Variants in TMEM87A observed in about 807,000 individuals in gnomAD.
The protein encoded by TMEM87A is Golgi-pH regulating cation channel.
A neutral mutation model predicts 90.0 loss-of-function variants in TMEM87A; 50 were observed. The observed-to-expected ratio is 0.56, with a 90% CI of 0.44 to 0.70. TMEM87A has a LOEUF of 0.70. TMEM87A is among the 30% of genes least tolerant of loss of function. The pLI, the probability that TMEM87A is intolerant of heterozygous loss-of-function variation, is 0.00. For missense variants in TMEM87A, 577 were observed against 660.5 expected (o/e 0.87, Z 1.39); for synonymous variants, 226 against 226.7 (o/e 1.00, Z 0.03).
At chr15:42,212,232 T>C (rs963952682) in intron 19 of TMEM87A, among the ~76,000 whole-genome samples, 2 of 152,210 alleles carry the variant, frequency 1.3e-5, no homozygotes, top group African/African-American at 4.8e-5. Flanking sequence ...TAATTTAATA[T>C]AGTATTTACA....
intron 12 of TMEM87A, 127 bp downstream of exon 12, chr15:42,231,064 CA>C: frequency 5.1e-6 from 4 of 779,994 alleles, no homozygotes; most frequent in Non-Finnish European, 8.1e-6. Context: ...TAAGACTTAG[CA>C]TGCACTGTTC....
rs774084873 is a variant in TMEM87A, at chr15:42,261,253, T to G, written c.406-4A>C. 6.2e-7 allele frequency: 1 copy of G among 1,612,100 alleles called. No individual in the cohort carries two copies. Among genetic ancestry groups the G allele is most frequent in the African/African-American group, 1.3e-5 (1 of 74,830 alleles). ...GCATAAAATCTCCAGAAAAGGTCTA[T>G]AAAAGAAACACAAAACAAAACATTA... is the stretch of plus-strand genomic sequence containing the variant. On this transcript the variant is annotated splice_polypyrimidine_tract_variant and splice_region_variant and intron_variant, in intron 4 of 19. Coordinates refer to ENST00000389834, the MANE Select transcript of TMEM87A (RefSeq NM_015497.5).
intron 10 of TMEM87A, among the ~76,000 whole-genome samples, chr15:42,235,580 G>A (rs1180992306): frequency 1.3e-5 from 2 of 152,092 alleles, no homozygotes; most frequent in Non-Finnish European, 1.5e-5. Context: ...TCATACATCT[G>A]ATCCATCAGC....
intron 7 of TMEM87A, among the ~76,000 whole-genome samples, chr15:42,240,160 C>T (rs2050843774): frequency 6.6e-6 from 1 of 152,162 alleles, no homozygotes; most frequent in South Asian, 2.1e-4. Flanking sequence ...TACATATTGC[C>T]ATCTTCTTTG....
intron 6 of TMEM87A, among the ~76,000 whole-genome samples, chr15:42,250,964 C>A (rs2051073807): frequency 1.3e-5 from 2 of 152,102 alleles, no homozygotes; most frequent in Admixed American, 1.3e-4. Context: ...CTCTAAACTT[C>A]TCTTCTCGCT....
Position 42,273,422 on chromosome 15 carries a change from C to A in TMEM87A, c.-24G>T, listed in dbSNP as rs781141360. 3.7e-6 allele frequency: 6 copies of A among 1,613,184 alleles called. No homozygotes were observed. The highest frequency in any genetic ancestry group is 4.2e-6 in the Non-Finnish European group (5 of 1,179,784). On this transcript the variant is annotated 5_prime_UTR_variant, in exon 1 of 20. Coordinates refer to ENST00000389834, the MANE Select transcript of TMEM87A (RefSeq NM_015497.5). ...ATCTTCACAGCCGTGGAGTGCCTACCGAAAGCATTTCACCCTCTTCCGGTT... is the reference window on the plus strand; with the variant it reads ...ATCTTCACAGCCGTGGAGTGCCTACAGAAAGCATTTCACCCTCTTCCGGTT...
At chr15:42,251,809 A>G (rs2051091964) in intron 6 of TMEM87A, among the ~76,000 whole-genome samples, 1 of 152,358 alleles carries the variant, frequency 6.6e-6, no homozygotes, top group Non-Finnish European at 1.5e-5. Context: ...TTTAGTCTTC[A>G]GAAGTTTCTG....
In TMEM87A at chr15:42,267,953, G is replaced by A; in HGVS notation, c.285C>T (p.Asn95=). 13 of 1,611,936 alleles carry A rather than the reference G, an allele frequency of 8.1e-6. No individual in the cohort carries two copies. The highest frequency in any genetic ancestry group is 1.1e-5 in the Non-Finnish European group (13 of 1,178,838). ...GTAATTTTATGTTCCTTACCTTGAA[G>A]TTATAGATTTCATTGTAACAATCAG... ...KSADCYNEIY[N]FKAEEVELYL... Residue 95 remains asparagine (N), a synonymous_variant, in exon 3 of 20, where the codon AAC becomes AAT. Coordinates refer to ENST00000389834, the MANE Select transcript of TMEM87A (RefSeq NM_015497.5).
chr15:42,230,913 T>C (rs762510511), intron 12 of TMEM87A, among the ~76,000 whole-genome samples: 1 of 151,932 alleles, frequency 6.6e-6, no homozygotes, highest in Non-Finnish European at 1.5e-5. Flanking sequence ...AAGTGCAAAA[T>C]CAAGATGAAA....
At chr15:42,240,179 C>A (rs568214460) in intron 7 of TMEM87A, among the ~76,000 whole-genome samples, 2 of 152,160 alleles carry the variant, frequency 1.3e-5, no homozygotes, top group Admixed American at 1.3e-4. Flanking sequence ...TGTTTTCTAT[C>A]TTTCCTCACC....
intron 12 of TMEM87A, 89 bp from the exon 13 acceptor site, chr15:42,228,909 G>T: frequency 2.3e-6 from 2 of 886,510 alleles, no homozygotes; most frequent in Non-Finnish European, 3.5e-6. Flanking sequence ...CTGGGGTCAT[G>T]CCAATAAACT....
chr15:42,223,665 C>T (rs1371459836), intron 15 of TMEM87A, among the ~76,000 whole-genome samples: 1 of 152,140 alleles, frequency 6.6e-6, no homozygotes, highest in Non-Finnish European at 1.5e-5. Context: ...GCTGACACTG[C>T]GAGCCAACAA....
Position 42,273,336 on chromosome 15 carries a change from C to T in TMEM87A, c.63G>A (p.Pro21=). Residue 21 remains proline, a synonymous_variant, in exon 1 of 20, where the codon CCG becomes CCA. Coordinates refer to ENST00000389834, the MANE Select transcript of TMEM87A (RefSeq NM_015497.5). The part of the protein sequence containing the change: ...PVILLLLGAH[P]SPLSFFSAGP... ...CCGCACTGAAAAACGACAGTGGTGA[C>T]GGGTGAGCTCCCAGAAGCAGAAGAA... 1 of 1,614,102 alleles carries T rather than the reference C, an allele frequency of 6.2e-7. No homozygotes were observed. The highest frequency in any genetic ancestry group is 8.5e-7 in the Non-Finnish European group (1 of 1,180,032).
intron 3 of TMEM87A, among the ~76,000 whole-genome samples, chr15:42,265,766 T>A (rs2051390879): frequency 1.3e-5 from 2 of 152,242 alleles, no homozygotes; most frequent in African/African-American, 4.8e-5. Flanking sequence ...GCTTTTGGCA[T>A]CTTCATCATG....
At chr15:42,244,022 T>A (rs778414135) in intron 7 of TMEM87A, 28 bp downstream of exon 7, 12 of 1,369,376 alleles carry the variant, frequency 8.8e-6, no homozygotes, top group South Asian at 1.3e-5. Flanking sequence ...GATAATAACA[T>A]AACCATTAAA....
rs1460173563 is a variant in TMEM87A, at chr15:42,218,238, T to C, written c.1595+85A>G. The C allele has an allele frequency of 5.4e-6, 7 of 1,287,094 alleles. No homozygotes were observed. In the Admixed American group the frequency reaches 1.4e-4, roughly 26 times the overall value. 79.7% of individuals were successfully genotyped at this position (1,287,094 alleles called of 1,614,324 possible). On this transcript the variant is annotated intron_variant, in intron 18 of 19. Transcript: ENST00000389834. ...TATTTTTCAGTATCTTGTATTTTCA[T>C]GAGTATAACTTGCTCATTTAAAATA...
chr15:42,217,891 A>ATT, intron 18 of TMEM87A, 58 bp from the exon 19 acceptor site: 1 of 1,524,994 alleles, frequency 6.6e-7, no homozygotes, highest in Non-Finnish European at 9.0e-7. Flanking sequence ...TAAATGGTTC[A>ATT]TAAAAGACAA....
At chr15:42,213,580 G>A (rs1157163358) in intron 19 of TMEM87A, among the ~76,000 whole-genome samples, 1 of 152,190 alleles carries the variant, frequency 6.6e-6, no homozygotes, top group Non-Finnish European at 1.5e-5. Context: ...CTGGCTCCAG[G>A]AGACCCATGA....
intron 8 of TMEM87A, 57 bp from the exon 9 acceptor site, chr15:42,237,672 G>A (rs1282359817): frequency 2.3e-6 from 3 of 1,324,994 alleles, no homozygotes; most frequent in Non-Finnish European, 3.0e-6. Context: ...AGCCAAGTCT[G>A]TAGATTTAGA....
Sources: gnomAD v4.1 joint callset for allele counts (sites outside exome capture counted in the v4.1 genomes callset) on GRCh38, gnomAD v4.1.1 for gene constraint, MANE v1.5 for transcripts, NCBI Gene and HGNC (gene_info 2026-07-23, HGNC 2026-07-21) for gene names.